The following HDAC9 variants were observed in gnomAD, a reference collection of about 807,000 sequenced individuals.
The protein encoded by HDAC9 is histone deacetylase 9, also known as MEF-2 interacting transcription repressor (MITR) protein.
HDAC9 carries 41 observed loss-of-function variants against 139.4 expected under a neutral mutation model. The observed-to-expected ratio is 0.29, with a 90% confidence interval of 0.23 to 0.38. HDAC9 has a LOEUF of 0.38. Among genes scored for constraint, HDAC9 ranks in the 10% least tolerant of loss-of-function variants. HDAC9 has a pLI of 1.00. For synonymous variants in HDAC9, 517 were observed against 476.2 expected (o/e 1.09, Z -1.12); for missense variants, 1,147 against 1,297.0 (o/e 0.88, Z 1.78).
At chr7:18,716,604 C>A (rs1415467495) in intron 12 of HDAC9, among the ~76,000 whole-genome samples, 5 of 150,808 alleles carry the variant, frequency 3.3e-5, no homozygotes, top group African/African-American at 1.2e-4. Flanking sequence ...TCTCCTGGAA[C>A]CTTTATGTCT....
chr7:18,479,094 G>T (rs1029051412), intron 1 of HDAC9, among the ~76,000 whole-genome samples: 2 of 151,868 alleles, frequency 1.3e-5, no homozygotes, highest in African/African-American at 2.4e-5. Context: ...TTTTAAAAGT[G>T]TCTTTGCACA....
At chr7:18,521,242 T>C (rs1804934838) in intron 2 of HDAC9, among the ~76,000 whole-genome samples, 1 of 152,204 alleles carries the variant, frequency 6.6e-6, no homozygotes, top group Admixed American at 6.5e-5. Flanking sequence ...GTCTTGCTTT[T>C]TGCATTTTGA....
intron 12 of HDAC9, chr7:18,667,506 C>T (rs1433501784): frequency 3.0e-6 from 3 of 984,434 alleles, no homozygotes; most frequent in African/African-American, 1.7e-5. Context: ...TATAATGCAC[C>T]TTCAGGAGGA....
At chr7:18,137,417 T>G (rs1785508313) in intron 1 of HDAC9, among the ~76,000 whole-genome samples, 1 of 150,884 alleles carries the variant, frequency 6.6e-6, no homozygotes, top group Non-Finnish European at 1.5e-5. Flanking sequence ...TTTTTGCCCA[T>G]TCAGTATGTT....
chr7:18,610,717 T>G (rs1045817381), intron 6 of HDAC9, among the ~76,000 whole-genome samples: 9 of 152,220 alleles, frequency 5.9e-5, no homozygotes, highest in African/African-American at 2.2e-4. Context: ...AAGTATAAAT[T>G]GTCTACCCTT....
At chr7:18,483,954 A>G (rs745855101) in intron 1 of HDAC9, among the ~76,000 whole-genome samples, 1 of 145,588 alleles carries the variant, frequency 6.9e-6, no homozygotes, top group Non-Finnish European at 1.5e-5. Context: ...TCTACTATGT[A>G]ATGATCTACA....
rs1284037851 is a variant in HDAC9 at position 19,001,735 on chromosome 7, G to A, written c.*5673G>A. ...CACAGTAACTATGATATAGGAAATT[G>A]TCCTTTCAGTGGTTTCTAGGTATAA... On this transcript the variant is annotated 3_prime_UTR_variant, in exon 26 of 26. Coordinates refer to ENST00000686413, the MANE Select transcript of HDAC9 (RefSeq NM_178425.4). 6.6e-6 allele frequency: 1 copy of A among 151,930 alleles called. No individual in the cohort carries two copies. The highest frequency in any genetic ancestry group is 6.6e-5 in the Admixed American group (1 of 15,244). 9.4% of individuals were successfully genotyped at this position (151,930 alleles called of 1,614,324 possible). A position where few individuals can be genotyped will look rare whatever the true frequency, so the allele number is the denominator to read the frequency against.
At chr7:18,720,927 G>A (rs1376013231) in intron 12 of HDAC9, among the ~76,000 whole-genome samples, 1 of 151,960 alleles carries the variant, frequency 6.6e-6, no homozygotes, top group Non-Finnish European at 1.5e-5. Flanking sequence ...GCATTTCTCT[G>A]CCTTGGCCTC....
chr7:18,139,222 C>T (rs560871582), intron 1 of HDAC9, among the ~76,000 whole-genome samples: 1 of 149,482 alleles, frequency 6.7e-6, no homozygotes, highest in South Asian at 2.1e-4. Context: ...ACCTCCTGGG[C>T]TCAAGCTATC....
intron 1 of HDAC9, among the ~76,000 whole-genome samples, chr7:18,382,287 T>C (rs1785511371): frequency 6.6e-6 from 1 of 152,178 alleles, no homozygotes; most frequent in East Asian, 1.9e-4. Flanking sequence ...ATATATGTAA[T>C]AGAAAACTAC....
chr7:18,332,663 A>C (rs1037263339), intron 1 of HDAC9, among the ~76,000 whole-genome samples: 8 of 151,618 alleles, frequency 5.3e-5, no homozygotes, highest in Non-Finnish European at 3.0e-5. Flanking sequence ...CAATTAATGC[A>C]TTTCTAAAAT....
chr7:18,220,210 C>A (rs1254360474), intron 2 of HDAC9, among the ~76,000 whole-genome samples: 1 of 152,102 alleles, frequency 6.6e-6, no homozygotes, highest in Non-Finnish European at 1.5e-5. Context: ...TAATTCTGAC[C>A]AAGAGTGTAT....
chr7:18,725,366 C>T (rs1191953178), intron 12 of HDAC9, among the ~76,000 whole-genome samples: 2 of 152,034 alleles, frequency 1.3e-5, no homozygotes, highest in South Asian at 2.1e-4. Flanking sequence ...AGATAGTATT[C>T]GGTTAGAACT....
At chr7:18,807,304 A>T (rs954627564) in intron 17 of HDAC9, among the ~76,000 whole-genome samples, 1 of 152,068 alleles carries the variant, frequency 6.6e-6, no homozygotes, top group African/African-American at 2.4e-5. Flanking sequence ...GTCTTGTTCA[A>T]TTCTGATTTT....
At chr7:18,575,626 G>T (rs1484888077) in intron 2 of HDAC9, among the ~76,000 whole-genome samples, 1 of 152,198 alleles carries the variant, frequency 6.6e-6, no homozygotes, top group Non-Finnish European at 1.5e-5. Flanking sequence ...AAACTTTTCA[G>T]ATTGTTTTCA....
At chr7:18,875,601 C>G (rs760890165) in intron 22 of HDAC9, among the ~76,000 whole-genome samples, 1 of 151,990 alleles carries the variant, frequency 6.6e-6, no homozygotes, top group Non-Finnish European at 1.5e-5. Flanking sequence ...TATTATTTAC[C>G]CAGGATTCTT....
intron 2 of HDAC9, among the ~76,000 whole-genome samples, chr7:18,503,271 G>C (rs1040246318): frequency 6.6e-6 from 1 of 152,144 alleles, no homozygotes; most frequent in Admixed American, 6.5e-5. Flanking sequence ...CCTTCCTGTT[G>C]GCAGTTTTCC....
At chr7:18,989,901 C>A (rs1585501600) in intron 25 of HDAC9, among the ~76,000 whole-genome samples, 2 of 151,090 alleles carry the variant, frequency 1.3e-5, no homozygotes, top group Non-Finnish European at 2.9e-5. Flanking sequence ...GTTTTCAGCT[C>A]CATCAGCTCC....
At chr7:18,588,642 T>A in intron 3 of HDAC9, among the ~76,000 whole-genome samples, 1 of 152,320 alleles carries the variant, frequency 6.6e-6, no homozygotes, top group East Asian at 1.9e-4. Context: ...TGAGTCTGAA[T>A]GTGAGGAACA....
Sources: allele counts gnomAD v4.1 joint callset (sites outside exome capture counted in the v4.1 genomes callset), GRCh38; gene constraint gnomAD v4.1.1; transcripts MANE v1.5; gene names NCBI Gene and HGNC (gene_info 2026-07-23, HGNC 2026-07-21).